CR1: variants seen among roughly 807,000 people sequenced by gnomAD.
CR1 encodes the protein complement C3b/C4b receptor 1 (Knops blood group), also known as complement receptor type 1.
A neutral mutation model predicts 187.3 loss-of-function variants in CR1; 116 were observed. The observed-to-expected ratio is 0.62, with a 90% CI of 0.53 to 0.72. CR1 has a LOEUF of 0.72. Ranked by LOEUF, CR1 falls within the 30% of genes least tolerant of loss-of-function variation. CR1 has a pLI of 0.00. For missense variants in CR1, 1,731 were observed against 2,110.7 expected (o/e 0.82, Z 3.52); for synonymous variants, 576 against 747.1 (o/e 0.77, Z 3.73).
intron 3 of CR1, among the ~76,000 whole-genome samples, chr1:207,509,914 G>A (rs1659561159): frequency 6.6e-6 from 1 of 152,074 alleles, no homozygotes; most frequent in Non-Finnish European, 1.5e-5. Flanking sequence ...ATACTAGAAG[G>A]CATTAAAAAA....
At chr1:207,524,206 G>A (rs1660094699) in intron 5 of CR1, among the ~76,000 whole-genome samples, 197 bp downstream of exon 5, 1 of 152,104 alleles carries the variant, frequency 6.6e-6, no homozygotes, top group African/African-American at 2.4e-5. Context: ...CTCAACCTGG[G>A]CAAGGGATAT....
intron 23 of CR1, among the ~76,000 whole-genome samples, chr1:207,565,249 CTG>C (rs1427477972): frequency 1.3e-5 from 2 of 150,292 alleles, no homozygotes; most frequent in African/African-American, 5.0e-5. Context: ...GTCCAAAAGA[CTG>C]AGAATTTTCG....
intron 24 of CR1, 67 bp downstream of exon 24, chr1:207,565,990 C>A: frequency 2.5e-6 from 4 of 1,579,226 alleles, no homozygotes; most frequent in South Asian, 2.2e-5. Context: ...TGTCCTATGG[C>A]CTCCCTCAAT....
chr1:207,626,340 G>C (rs565096863), intron 45 of CR1, among the ~76,000 whole-genome samples: 2 of 152,188 alleles, frequency 1.3e-5, no homozygotes, highest in Non-Finnish European at 2.9e-5. Context: ...CCCTTCTTTC[G>C]GAAGGAGTTG....
intron 42 of CR1, among the ~76,000 whole-genome samples, chr1:207,619,256 G>A (rs1329322271): frequency 6.6e-6 from 1 of 150,558 alleles, no homozygotes; most frequent in Non-Finnish European, 1.5e-5. Flanking sequence ...GGTGGTACAT[G>A]CCTGTCGTCC....
At chr1:207,521,177 A>G (rs995902525) in intron 4 of CR1, among the ~76,000 whole-genome samples, 5 of 151,778 alleles carry the variant, frequency 3.3e-5, no homozygotes, top group African/African-American at 9.7e-5. Flanking sequence ...GGTTTTCACC[A>G]TGTTGACCAG....
intron 3 of CR1, among the ~76,000 whole-genome samples, chr1:207,509,372 A>G (rs539480978): frequency 2.0e-5 from 3 of 152,308 alleles, no homozygotes; most frequent in Admixed American, 6.5e-5. Context: ...AAAGGCTTCA[A>G]TCTGTTCAAG....
chr1:207,498,877 CA>C lies in CR1; in HGVS notation c.121+2505del, dbSNP rs56044498. Among the ~76,000 whole-genome samples, 23 of 50,106 alleles carry C rather than the reference CA, an allele frequency of 4.6e-4. 2 individuals are homozygous for C. The highest frequency in any genetic ancestry group is 2.5e-3 in the Admixed American group (8 of 3,140). 32.9% of individuals were successfully genotyped at this position (50,106 alleles called of 152,430 possible). A position where few individuals can be genotyped will look rare whatever the true frequency, so the allele number is the denominator to read the frequency against. On this transcript the variant is annotated intron_variant, in intron 1 of 46. Transcript: ENST00000367049. ...TGGGTGACAGAGCGCAACTCCAAAT[CA>C]AAAAAAAAAAAAAAAGAAACAAACA...
chr1:207,580,543 C>T lies in CR1; in HGVS notation c.5146C>T (p.Pro1716Ser). 6.2e-7 allele frequency: 1 copy of T among 1,613,222 alleles called. No individual in the cohort carries two copies. The highest frequency in any genetic ancestry group is 2.2e-5 in the East Asian group (1 of 44,864). ...CTGTGATGACTTCTTGGGTCAACTC[C>T]CTCATGGCCGTGTGCTATTTCCACT... ...KSCDDFLGQLPHGRVLFPLNL... is the reference protein window; with the variant it reads ...KSCDDFLGQLSHGRVLFPLNL... Residue 1716 changes from proline to serine, a missense_variant, in exon 31 of 47, where the codon CCT becomes TCT. Pro to Ser is a moderately conservative substitution (Grantham distance 74, BLOSUM62 -1). Transcript: ENST00000367049.
At chr1:207,624,986 C>T (rs1662436635) in intron 45 of CR1, among the ~76,000 whole-genome samples, 1 of 152,138 alleles carries the variant, frequency 6.6e-6, no homozygotes, top group Non-Finnish European at 1.5e-5. Context: ...TATCTCCACC[C>T]TTCTAACTAT....
In CR1 at chr1:207,618,175, C is replaced by G. The variant is rs374661608; in HGVS notation, c.6994C>G (p.Leu2332Val). The G allele has an allele frequency of 3.8e-5, 61 of 1,613,700 alleles. No individual in the cohort carries two copies. The highest frequency in any genetic ancestry group is 4.7e-5 in the Non-Finnish European group (56 of 1,179,798). Residue 2332 changes from leucine to valine, a missense_variant, in exon 42 of 47, where the codon CTG becomes GTG. This residue lies in a region of CR1 where 1,312 missense variants were observed against 1,379.6 expected (regional missense o/e 0.95). Coordinates refer to ENST00000367049, the MANE Select transcript of CR1 (RefSeq NM_000651.6). ...TISYICDPGY[L>V]LVGKGFIFCT... ...CAGCTACATTTGTGACCCCGGCTAC[C>G]TGTTAGTGGGAAAGGGCTTCATTTT... is the stretch of plus-strand genomic sequence containing the variant.
At position 207,564,171 on chromosome 1, in the gene CR1, G is replaced by A. The variant is rs777009868; in HGVS notation, c.3803G>A (p.Gly1268Asp). 3.2e-6 allele frequency: 5 copies of A among 1,585,590 alleles called. No individual in the cohort carries two copies. The East Asian group carries it at 1.1e-4, about 36-fold the overall frequency. The change falls in exon 23 of 47, where the codon GGC becomes GAC. Residue 1268 changes from glycine to aspartate, a missense_variant. Coordinates refer to ENST00000367049, the MANE Select transcript of CR1 (RefSeq NM_000651.6). ...CDDFMGQLLN[G>D]RVLFPVNLQL... ...GACTTCATGGGCCAACTTCTTAATG[G>A]CCGTGTGCTATTTCCAGTAAATCTC... is the stretch of plus-strand genomic sequence containing the variant.
chr1:207,523,007 T>C (rs1438183782), intron 4 of CR1, among the ~76,000 whole-genome samples: 1 of 152,210 alleles, frequency 6.6e-6, no homozygotes, highest in East Asian at 1.9e-4. Flanking sequence ...GCTTCATATC[T>C]TTTATATGTT....
rs752804581 is a variant in CR1 at position 207,618,290 on chromosome 1, G to A, written c.7066+43G>A. The A allele has an allele frequency of 5.1e-6, 8 of 1,575,020 alleles. No homozygotes were observed. The African/African-American group carries it at 1.1e-4, about 21-fold the overall frequency. On this transcript the variant is annotated intron_variant, in intron 42 of 46. Transcript: ENST00000367049. ...ATTCCTTATTCTTGCTGGGTTGTATGGAATGCATGAGGCTTGTAAGGCTGA... is the reference window on the plus strand; with the variant it reads ...ATTCCTTATTCTTGCTGGGTTGTATAGAATGCATGAGGCTTGTAAGGCTGA...
rs759984264 is a variant in CR1, at chr1:207,630,523, T to C, written c.7359T>C (p.Asn2453=). 4.4e-6 allele frequency: 7 copies of C among 1,599,220 alleles called. No homozygotes were observed. Among genetic ancestry groups the C allele is most frequent in the East Asian group, 4.5e-5 (2 of 44,480 alleles). The change falls in exon 46 of 47, where the codon AAT becomes AAC. Residue 2453 remains asparagine, a synonymous_variant. Transcript: ENST00000367049. ...WIILKHRKGN[N]AHENPKEVAI... ...TTTTTTCTCTGCCAATTAGCAATAA[T>C]GCACATGAAAACCCTAAAGAAGTGG...
At chr1:207,519,251 T>C (rs1295503362) in intron 4 of CR1, among the ~76,000 whole-genome samples, 1 of 152,018 alleles carries the variant, frequency 6.6e-6, no homozygotes, top group African/African-American at 2.4e-5. Flanking sequence ...TTTGTTGTTT[T>C]ATTCAGTCTT....
At chr1:207,603,199 G>A (rs2102375377) in intron 35 of CR1, among the ~76,000 whole-genome samples, 1 of 151,998 alleles carries the variant, frequency 6.6e-6, no homozygotes, top group African/African-American at 2.4e-5. Flanking sequence ...CCAGATCAGA[G>A]GTGGGTTTGA....
chr1:207,596,340 G>A (rs946529100), intron 35 of CR1, among the ~76,000 whole-genome samples: 2 of 152,052 alleles, frequency 1.3e-5, no homozygotes, highest in African/African-American at 2.4e-5. Flanking sequence ...GTGGCCGGGC[G>A]CTGTGGCTCA....
intron 35 of CR1, among the ~76,000 whole-genome samples, chr1:207,589,442 A>T (rs1348254905): frequency 1.3e-5 from 2 of 152,186 alleles, no homozygotes; most frequent in Non-Finnish European, 2.9e-5. Context: ...TCCACATGAA[A>T]ACCCCATCCA....
Sources: allele counts gnomAD v4.1 joint callset (sites outside exome capture counted in the v4.1 genomes callset), GRCh38; gene constraint gnomAD v4.1.1; regional missense constraint gnomAD v4.1.1; transcripts MANE v1.5; gene names NCBI Gene and HGNC (gene_info 2026-07-23, HGNC 2026-07-21).